The following TGFBRAP1 variants were observed in gnomAD, a reference collection of about 807,000 sequenced individuals.
TGFBRAP1 encodes transforming growth factor-beta receptor-associated protein 1.
TGFBRAP1 carries 20 observed loss-of-function variants against 83.2 expected under a neutral mutation model. The observed-to-expected ratio is 0.24, with a 90% CI of 0.17 to 0.35. The LOEUF is 0.35. Among genes scored for constraint, TGFBRAP1 ranks in the 10% least tolerant of loss-of-function variants. TGFBRAP1 has a pLI of 1.00. For missense variants in TGFBRAP1, 950 were observed against 1,099.4 expected (o/e 0.86, Z 1.92); for synonymous variants, 415 against 459.8 (o/e 0.90, Z 1.25).
At position 105,314,344 on chromosome 2, in the gene TGFBRAP1, G is replaced by A. The variant is rs377262772; in HGVS notation, c.-17-6026C>T. Among the ~76,000 whole-genome samples, 310 of 146,554 alleles carry A rather than the reference G, an allele frequency of 2.1e-3. 3 individuals carry two copies. The highest frequency in any genetic ancestry group is 7.3e-3 in the African/African-American group (286 of 39,004). On this transcript the variant is annotated intron_variant, in intron 1 of 11. Transcript: ENST00000393359. Reference sequence around the variant, plus strand: ...CGGCTCACTGCAAGCTCCACCTCCCGGGTTCACGCCATTCTCCTGCCTCAG... The same window carrying A: ...CGGCTCACTGCAAGCTCCACCTCCCAGGTTCACGCCATTCTCCTGCCTCAG...
At chr2:105,318,157 AG>A (rs925191778) in intron 1 of TGFBRAP1, among the ~76,000 whole-genome samples, 3 of 152,196 alleles carry the variant, frequency 2.0e-5, no homozygotes, top group African/African-American at 7.2e-5. Context: ...GGGCAAAGAA[AG>A]TCCACAGCAA....
chr2:105,251,468 A>G, the TGFBRAP1 span, among the ~76,000 whole-genome samples: 2 of 138,960 alleles, frequency 1.4e-5, no homozygotes, highest in African/African-American at 2.7e-5. Context: ...GCCCCGTCTG[A>G]GAAGTGAGGA....
intron 2 of TGFBRAP1, among the ~76,000 whole-genome samples, 172 bp downstream of exon 2, chr2:105,307,442 A>T (rs1035805099): frequency 3.9e-5 from 6 of 152,218 alleles, no homozygotes; most frequent in Non-Finnish European, 8.8e-5. Context: ...TCACAGAACA[A>T]TCGAACTGGA....
chr2:105,285,302 G>A (rs4851056), intron 4 of TGFBRAP1, among the ~76,000 whole-genome samples: 20,263 of 152,124 alleles, frequency 0.13, 1,682 homozygotes, highest in Non-Finnish European at 0.19. Context: ...CTCACCTAGC[G>A]TCTCCCACTA....
intron 1 of TGFBRAP1, among the ~76,000 whole-genome samples, chr2:105,325,275 C>T (rs1260137920): frequency 6.6e-6 from 1 of 152,132 alleles, no homozygotes; most frequent in African/African-American, 2.4e-5. Context: ...ACCCTGACTG[C>T]CCCCTCAGGA....
intron 2 of TGFBRAP1, among the ~76,000 whole-genome samples, chr2:105,307,188 ACT>A (rs71379723): frequency 0.17 from 25,912 of 151,864 alleles, 2,747 homozygotes; most frequent in Middle Eastern, 0.23. Flanking sequence ...CTGCTGGCTC[ACT>A]CTCTCAGCAT....
intron 1 of TGFBRAP1, among the ~76,000 whole-genome samples, chr2:105,309,310 G>A (rs1271964528): frequency 1.3e-5 from 2 of 152,204 alleles, no homozygotes; most frequent in African/African-American, 2.4e-5. Context: ...GGGAGCTGCA[G>A]GGCAGCTGGC....
At chr2:105,259,183 T>C in the TGFBRAP1 span, among the ~76,000 whole-genome samples, 8 of 152,240 alleles carry the variant, frequency 5.3e-5, no homozygotes, top group East Asian at 1.5e-3. Context: ...TGTGGAAATA[T>C]GTTAGGAAAT....
intron 3 of TGFBRAP1, among the ~76,000 whole-genome samples, chr2:105,298,071 T>G (rs1678143167): frequency 6.6e-6 from 1 of 152,150 alleles, no homozygotes; most frequent in Non-Finnish European, 1.5e-5. Flanking sequence ...AAACACACCA[T>G]GCACTACAGT....
At position 105,280,478 on chromosome 2, in the gene TGFBRAP1, T is replaced by C. The variant is rs754904972; in HGVS notation, c.1367A>G (p.Tyr456Cys). ...EDIDTALLKL[Y>C]AEADHDSLLD... is the part of the protein sequence containing the mutation. ...CAGGCTGTCGTGGTCAGCCTCTGCA[T>C]ACAGTTTGAGCAAGGCTGTGTCGAT... The change falls in exon 6 of 12, where the codon TAT becomes TGT. Residue 456 changes from tyrosine to cysteine, a missense_variant. Transcript: ENST00000393359. 10 of 1,614,096 alleles carry C rather than the reference T, an allele frequency of 6.2e-6. No individual in the cohort carries two copies. The highest frequency in any genetic ancestry group is 4.2e-6 in the Non-Finnish European group (5 of 1,180,042).
At chr2:105,312,160 G>A (rs1558652181) in intron 1 of TGFBRAP1, among the ~76,000 whole-genome samples, 3 of 151,880 alleles carry the variant, frequency 2.0e-5, no homozygotes, top group African/African-American at 2.4e-5. Context: ...CAAAATGATC[G>A]AAAATTTAAA....
intron 6 of TGFBRAP1, among the ~76,000 whole-genome samples, chr2:105,279,573 G>T (rs906949535): frequency 3.1e-5 from 4 of 130,500 alleles, no homozygotes; most frequent in Middle Eastern, 4.3e-3. Flanking sequence ...GGAAGGCAGA[G>T]TTTAAAACCA....
the TGFBRAP1 span, among the ~76,000 whole-genome samples, chr2:105,250,780 A>G: frequency 7.2e-5 from 11 of 152,206 alleles, no homozygotes; most frequent in East Asian, 1.9e-3. Context: ...CAGCCTGCCG[A>G]GTGCCTGCGA....
intron 5 of TGFBRAP1, among the ~76,000 whole-genome samples, chr2:105,282,284 A>G (rs1257748892): frequency 1.3e-5 from 2 of 152,188 alleles, no homozygotes; most frequent in African/African-American, 4.8e-5. Context: ...TAGCTGATAC[A>G]ACGACAGGGT....
chr2:105,316,420 A>AAT (rs1678857104), intron 1 of TGFBRAP1, among the ~76,000 whole-genome samples: 1 of 109,100 alleles, frequency 9.2e-6, no homozygotes, highest in Non-Finnish European at 1.8e-5. Context: ...AGGTATAGGG[A>AAT]GTGTGTGTGT....
At chr2:105,281,487 G>A (rs1179540467) in intron 5 of TGFBRAP1, among the ~76,000 whole-genome samples, 1 of 152,164 alleles carries the variant, frequency 6.6e-6, no homozygotes, top group Non-Finnish European at 1.5e-5. Context: ...TGCCTGCGAT[G>A]TTCAGAGCAT....
rs1676937252 is a variant in TGFBRAP1 at position 105,266,450 on chromosome 2, A to T, written c.*933T>A. The T allele has an allele frequency of 6.6e-6, 1 of 152,268 alleles. No homozygotes were observed. The highest frequency in any genetic ancestry group is 1.5e-5 in the Non-Finnish European group (1 of 68,052). The allele number at this position is 152,268 out of a possible 1,614,324, so 9.4% of individuals were successfully genotyped here. ...AAAAAATACCCCTAACAAACAGGACAGATGACTCTCTCAACAAGAGAGCAA... is the reference window on the plus strand; with the variant it reads ...AAAAAATACCCCTAACAAACAGGACTGATGACTCTCTCAACAAGAGAGCAA... On this transcript the variant is annotated 3_prime_UTR_variant, in exon 12 of 12. Coordinates refer to ENST00000393359, the MANE Select transcript of TGFBRAP1 (RefSeq NM_004257.6).
At chr2:105,314,115 G>C (rs910063076) in intron 1 of TGFBRAP1, among the ~76,000 whole-genome samples, 2 of 152,082 alleles carry the variant, frequency 1.3e-5, no homozygotes, top group Non-Finnish European at 2.9e-5. Context: ...GACAAGTGAA[G>C]ACACAGAAAG....
chr2:105,328,787 G>C (rs1013093763), intron 1 of TGFBRAP1, among the ~76,000 whole-genome samples: 3 of 152,234 alleles, frequency 2.0e-5, no homozygotes, highest in Non-Finnish European at 4.4e-5. Flanking sequence ...AAGGCCTGCT[G>C]TGTGATCTGT....
Sources: gnomAD v4.1 joint callset for allele counts (sites outside exome capture counted in the v4.1 genomes callset) on GRCh38, gnomAD v4.1.1 for gene constraint, MANE v1.5 for transcripts, NCBI Gene and HGNC (gene_info 2026-07-23, HGNC 2026-07-21) for gene names.